The following CALN1 variants were observed in gnomAD, a reference collection of about 807,000 sequenced individuals.
The protein encoded by CALN1 is calneuron 1, also known as calcium-binding protein 8.
In CALN1, 17 loss-of-function variants were observed where a neutral mutation model predicts 30.6. The ratio of observed to expected loss-of-function variants is 0.56; its 90% CI spans 0.38 to 0.83. CALN1 has a LOEUF of 0.83. Ranked by LOEUF, CALN1 falls within the 40% of genes least tolerant of loss-of-function variation. The pLI is 0.00. For missense variants in CALN1, 291 were observed against 354.9 expected, an observed-to-expected ratio of 0.82 and a Z score of 1.45; for synonymous variants, 156 against 131.4, an observed-to-expected ratio of 1.19 and a Z score of -1.28.
the CALN1 span, among the ~76,000 whole-genome samples, chr7:72,496,998 T>G: frequency 6.6e-6 from 1 of 152,138 alleles, no homozygotes; most frequent in African/African-American, 2.4e-5. Context: ...AGCCACAAAA[T>G]CCTTATGTAA....
intron 3 of CALN1, among the ~76,000 whole-genome samples, chr7:72,250,732 G>A (rs1456585982): frequency 2.0e-5 from 3 of 151,936 alleles, no homozygotes; most frequent in Non-Finnish European, 2.9e-5. Context: ...CTCTTGCGAC[G>A]TGATGCCCAC....
chr7:71,998,228 AC>A (rs1311985930), intron 5 of CALN1, among the ~76,000 whole-genome samples: 1 of 152,148 alleles, frequency 6.6e-6, no homozygotes, highest in Admixed American at 6.5e-5. Flanking sequence ...GATCAGATTT[AC>A]CCTTAAAAAC....
intron 3 of CALN1, among the ~76,000 whole-genome samples, chr7:72,140,594 A>C (rs565740921): frequency 3.0e-4 from 46 of 152,368 alleles, no homozygotes; most frequent in African/African-American, 1.1e-3. Context: ...CAACCTTGGC[A>C]GGCAGGGTGT....
chr7:71,808,807 C>T (rs1787768866), intron 6 of CALN1, among the ~76,000 whole-genome samples: 1 of 152,156 alleles, frequency 6.6e-6, no homozygotes, highest in Non-Finnish European at 1.5e-5. Flanking sequence ...CATGTGCTTT[C>T]ATTGTGTGGG....
At chr7:72,406,643 G>GC (rs1457276483) in intron 1 of CALN1, among the ~76,000 whole-genome samples, 1 of 122,518 alleles carries the variant, frequency 8.2e-6, no homozygotes, top group Non-Finnish European at 1.6e-5. Context: ...TTAAGACGGA[G>GC]TCTTGTTCTG....
At chr7:71,954,557 C>T (rs1796861709) in intron 5 of CALN1, among the ~76,000 whole-genome samples, 1 of 152,192 alleles carries the variant, frequency 6.6e-6, no homozygotes. Flanking sequence ...GAGGCTGAGG[C>T]AGGAGGACTG....
the CALN1 span, among the ~76,000 whole-genome samples, chr7:72,500,254 T>TTC: frequency 7.0e-6 from 1 of 143,872 alleles, no homozygotes; most frequent in Non-Finnish European, 1.5e-5. Context: ...TCTCATGAAC[T>TTC]TCTGTTCGTT....
intron 5 of CALN1, among the ~76,000 whole-genome samples, chr7:71,968,292 T>C (rs1797625967): frequency 6.6e-6 from 1 of 152,210 alleles, no homozygotes; most frequent in South Asian, 2.1e-4. Flanking sequence ...CAAAAGGTTA[T>C]ATACTGTTTC....
chr7:72,374,549 GA>G (rs1444120293), intron 2 of CALN1, among the ~76,000 whole-genome samples: 1 of 122,060 alleles, frequency 8.2e-6, no homozygotes, highest in Admixed American at 8.2e-5. Flanking sequence ...AAAAAAAAAG[GA>G]AAAAAAAGAA....
chr7:72,227,008 C>T (rs1398922611), intron 3 of CALN1, among the ~76,000 whole-genome samples: 1 of 152,080 alleles, frequency 6.6e-6, no homozygotes, highest in Admixed American at 6.6e-5. Context: ...TGCACTCCAG[C>T]CTGGGCCACA....
chr7:72,481,113 C>T, the CALN1 span, among the ~76,000 whole-genome samples: 3 of 152,232 alleles, frequency 2.0e-5, no homozygotes, highest in African/African-American at 4.8e-5. Context: ...CCACCAGGCA[C>T]GGCTAATTTT....
intron 5 of CALN1, among the ~76,000 whole-genome samples, chr7:71,920,931 A>G (rs1382613309): frequency 1.3e-5 from 2 of 152,244 alleles, no homozygotes; most frequent in African/African-American, 2.4e-5. Context: ...CACTGTTCAC[A>G]ACAGCAAAGA....
chr7:72,141,445 C>A (rs559364659), intron 3 of CALN1, among the ~76,000 whole-genome samples: 79 of 152,172 alleles, frequency 5.2e-4, no homozygotes, highest in African/African-American at 1.9e-3. Context: ...ACTAAAAATA[C>A]AAAAATTACC....
At chr7:71,915,892 C>T (rs1794668837) in intron 5 of CALN1, among the ~76,000 whole-genome samples, 1 of 152,166 alleles carries the variant, frequency 6.6e-6, no homozygotes, top group Admixed American at 6.5e-5. Flanking sequence ...GGATTAGAGG[C>T]ACCACTGTCG....
chr7:72,348,587 A>G (rs1358949331), intron 2 of CALN1, among the ~76,000 whole-genome samples: 2 of 152,222 alleles, frequency 1.3e-5, no homozygotes, highest in South Asian at 4.1e-4. Flanking sequence ...GAGAGTTGTT[A>G]AGTCGAACAA....
intron 2 of CALN1, among the ~76,000 whole-genome samples, chr7:72,335,781 C>T (rs1014969796): frequency 4.6e-5 from 7 of 152,000 alleles, no homozygotes; most frequent in Admixed American, 1.3e-4. Flanking sequence ...CCCGGGCGCA[C>T]GTGGCCCAAG....
chr7:71,917,491 T>C (rs1488192304), intron 5 of CALN1, among the ~76,000 whole-genome samples: 1 of 152,172 alleles, frequency 6.6e-6, no homozygotes, highest in African/African-American at 2.4e-5. Context: ...ATTGCTGTAT[T>C]AGTCCATTCT....
At chr7:72,063,121 C>A (rs997485699) in intron 4 of CALN1, among the ~76,000 whole-genome samples, 17 of 151,550 alleles carry the variant, frequency 1.1e-4, no homozygotes, top group Admixed American at 7.2e-4. Flanking sequence ...AAAACCTGAT[C>A]AAAAAAAAGG....
chr7:72,179,596 G>A (rs770075754), intron 3 of CALN1, among the ~76,000 whole-genome samples: 13 of 151,536 alleles, frequency 8.6e-5, no homozygotes, highest in Non-Finnish European at 1.8e-4. Context: ...GCACATGTGT[G>A]TACATATATA....
Sources: gnomAD v4.1 joint callset for allele counts (sites outside exome capture counted in the v4.1 genomes callset) on GRCh38, gnomAD v4.1.1 for gene constraint, MANE v1.5 for transcripts, NCBI Gene and HGNC (gene_info 2026-07-23, HGNC 2026-07-21) for gene names.